PRKG1: variants seen among roughly 807,000 people sequenced by gnomAD.
PRKG1 encodes the protein cGMP-dependent protein kinase 1.
In PRKG1, 35 loss-of-function variants were observed where a neutral mutation model predicts 88.1. That is an observed-to-expected ratio of 0.40 (90% CI 0.30 to 0.53). PRKG1 has a LOEUF of 0.53. Among genes scored for constraint, PRKG1 ranks in the 20% least tolerant of loss-of-function variants. PRKG1 has a pLI of 0.59. For missense variants in PRKG1, 540 were observed against 839.8 expected, an observed-to-expected ratio of 0.64 and a Z score of 4.41; for synonymous variants, 303 against 292.5, an observed-to-expected ratio of 1.04 and a Z score of -0.37.
At chr10:51,316,383 G>A (rs1299236231) in intron 2 of PRKG1, among the ~76,000 whole-genome samples, 1 of 152,108 alleles carries the variant, frequency 6.6e-6, no homozygotes. Context: ...GGAATATTTT[G>A]TTCTTAAGAC....
intron 2 of PRKG1, among the ~76,000 whole-genome samples, chr10:51,392,788 G>T (rs1182554272): frequency 7.0e-6 from 1 of 143,058 alleles, no homozygotes; most frequent in East Asian, 2.0e-4. Context: ...CCTCCCGGAC[G>T]GGGCGGCTGG....
rs187935407 is a variant in PRKG1, at chr10:51,690,129, G to C, written c.593-114456G>C. 3.2e-3 allele frequency among the ~76,000 whole-genome samples: 493 copies of C among 152,288 alleles called. 3 individuals are homozygous for C. Among genetic ancestry groups the C allele is most frequent in the African/African-American group, 0.011 (458 of 41,558 alleles). On this transcript the variant is annotated intron_variant, in intron 3 of 17. Transcript: ENST00000373980. Reference sequence around the variant, plus strand: ...AGGCACAGGACCAGAGCAGGAGCAAGAGAGCAGAGGGGGAGGTGCTGCACA... The same window carrying C: ...AGGCACAGGACCAGAGCAGGAGCAACAGAGCAGAGGGGGAGGTGCTGCACA...
chr10:51,693,861 TTTTG>T (rs1190686481), intron 3 of PRKG1, among the ~76,000 whole-genome samples: 18 of 152,178 alleles, frequency 1.2e-4, no homozygotes, highest in Non-Finnish European at 2.1e-4. Flanking sequence ...AGGAGTAAAC[TTTTG>T]TTTCAGGGTG....
intron 3 of PRKG1, among the ~76,000 whole-genome samples, chr10:51,574,016 G>A (rs555491455): frequency 2.8e-4 from 42 of 152,044 alleles, no homozygotes; most frequent in Non-Finnish European, 4.9e-4. Context: ...ATGTAAAAAT[G>A]TATGTCTCTA....
At chr10:52,027,601 A>G (rs1845375586) in intron 5 of PRKG1, among the ~76,000 whole-genome samples, 1 of 152,194 alleles carries the variant, frequency 6.6e-6, no homozygotes, top group Non-Finnish European at 1.5e-5. Flanking sequence ...AATGGTGAGC[A>G]TGGGATAAGG....
At chr10:51,554,240 T>C (rs1194092147) in intron 3 of PRKG1, among the ~76,000 whole-genome samples, 5 of 147,268 alleles carry the variant, frequency 3.4e-5, no homozygotes, top group African/African-American at 1.2e-4. Flanking sequence ...ATATGATATG[T>C]ATATATATTA....
chr10:51,279,862 A>G (rs953201792), intron 2 of PRKG1, among the ~76,000 whole-genome samples: 2 of 152,200 alleles, frequency 1.3e-5, no homozygotes, highest in Non-Finnish European at 2.9e-5. Context: ...TGGAGCATTT[A>G]GCCCATTTAC....
chr10:52,042,071 T>TG (rs1845766356), intron 5 of PRKG1, among the ~76,000 whole-genome samples: 1 of 152,120 alleles, frequency 6.6e-6, no homozygotes, highest in Non-Finnish European at 1.5e-5. Context: ...AGAACAGAAG[T>TG]AAACAGAAGG....
In PRKG1 at chr10:51,984,628, A is replaced by G. The variant is rs142461105; in HGVS notation, c.763-69856A>G. On this transcript the variant is annotated intron_variant, in intron 5 of 17. Coordinates refer to ENST00000373980, the MANE Select transcript of PRKG1 (RefSeq NM_006258.4). ...GTGAACTTCAAGGAATTATTAATAC[A>G]TAATATTGTTTATATACTTTAGGTA... 3.7e-3 allele frequency among the ~76,000 whole-genome samples: 556 copies of G among 152,282 alleles called. 13 individuals carry two copies. The highest frequency in any genetic ancestry group is 0.028 in the Admixed American group (422 of 15,288).
intron 5 of PRKG1, among the ~76,000 whole-genome samples, chr10:52,050,148 A>T (rs1287423677): frequency 2.6e-5 from 4 of 152,070 alleles, no homozygotes; most frequent in Admixed American, 6.6e-5. Context: ...CTAGGGAAGC[A>T]GCAGTGAAGT....
intron 17 of PRKG1, 142 bp from the exon 18 acceptor site, chr10:52,293,660 T>G: frequency 1.5e-6 from 1 of 647,328 alleles, no homozygotes; most frequent in Non-Finnish European, 2.7e-6. Flanking sequence ...TACTTACCAC[T>G]GTGACCCTCA....
chr10:51,262,130 C>G (rs373176008), intron 2 of PRKG1, among the ~76,000 whole-genome samples: 2 of 152,032 alleles, frequency 1.3e-5, no homozygotes, highest in African/African-American at 4.8e-5. Context: ...TCGTGATCCG[C>G]CCGCCTCGGC....
intron 1 of PRKG1, among the ~76,000 whole-genome samples, chr10:51,030,020 A>G (rs1326027398): frequency 6.6e-6 from 1 of 152,198 alleles, no homozygotes; most frequent in Non-Finnish European, 1.5e-5. Context: ...TGATAGAGAA[A>G]ATAGCAAACA....
chr10:51,964,607 C>T (rs2454575), intron 5 of PRKG1, among the ~76,000 whole-genome samples: 138,236 of 152,234 alleles, frequency 0.91, 62,935 homozygotes, highest in East Asian at 1. Context: ...GTGCCCATAA[C>T]TGAGTCCCAA....
At chr10:51,277,426 G>C (rs1840154330) in intron 2 of PRKG1, among the ~76,000 whole-genome samples, 1 of 152,158 alleles carries the variant, frequency 6.6e-6, no homozygotes, top group Admixed American at 6.5e-5. Context: ...TTTGGCTTAG[G>C]ATTGTCTTGG....
chr10:51,820,498 A>G (rs765887702), intron 4 of PRKG1, among the ~76,000 whole-genome samples: 3 of 152,126 alleles, frequency 2.0e-5, no homozygotes, highest in African/African-American at 4.8e-5. Context: ...TGTCCAACCT[A>G]CAGAAGCAGA....
chr10:52,226,693 A>T (rs1194520), intron 9 of PRKG1, among the ~76,000 whole-genome samples: 41,096 of 151,890 alleles, frequency 0.27, 5,718 homozygotes, highest in Non-Finnish European at 0.3. Flanking sequence ...AGTGAATGCC[A>T]TTTTCATTTC....
At chr10:51,447,532 C>T (rs894395539) in intron 2 of PRKG1, among the ~76,000 whole-genome samples, 1 of 152,048 alleles carries the variant, frequency 6.6e-6, no homozygotes, top group Non-Finnish European at 1.5e-5. Flanking sequence ...GATGTCTTAA[C>T]TTAAAACCTC....
At chr10:51,138,337 T>C (rs1311363160) in intron 1 of PRKG1, among the ~76,000 whole-genome samples, 2 of 152,196 alleles carry the variant, frequency 1.3e-5, no homozygotes, top group African/African-American at 4.8e-5. Flanking sequence ...TATAATGCAA[T>C]TCTAAACTTA....
Sources: allele counts gnomAD v4.1 joint callset (sites outside exome capture counted in the v4.1 genomes callset), GRCh38; gene constraint gnomAD v4.1.1; transcripts MANE v1.5; gene names NCBI Gene and HGNC (gene_info 2026-07-23, HGNC 2026-07-21).